Variants in CBL observed in about 807,000 individuals in gnomAD.
CBL encodes the protein Cbl proto-oncogene, also known as E3 ubiquitin-protein ligase CBL.
In CBL, 45 loss-of-function variants were observed where a neutral mutation model predicts 96.9. The observed-to-expected ratio is 0.46, with a 90% CI of 0.37 to 0.60. The LOEUF (loss-of-function observed/expected upper bound fraction) is 0.60, where lower values mean the gene tolerates loss of function less well. Ranked by LOEUF, CBL falls within the 20% of genes least tolerant of loss-of-function variation. CBL has a pLI of 0.00. For missense variants in CBL, 1,024 were observed against 1,143.5 expected, an observed-to-expected ratio of 0.90 and a Z score of 1.51; for synonymous variants, 420 against 426.8, an observed-to-expected ratio of 0.98 and a Z score of 0.20.
At chr11:119,248,909 G>A (rs1443182959) in intron 2 of CBL, among the ~76,000 whole-genome samples, 1 of 152,144 alleles carries the variant, frequency 6.6e-6, no homozygotes, top group African/African-American at 2.4e-5. Flanking sequence ...TTAAGGAAAT[G>A]CAAATCAAAA....
intron 1 of CBL, among the ~76,000 whole-genome samples, chr11:119,208,645 C>T (rs926176799): frequency 1.3e-5 from 2 of 152,106 alleles, no homozygotes; most frequent in African/African-American, 4.8e-5. Context: ...TGCGCCACGG[C>T]CTCCCAAAGT....
chr11:119,247,187 T>C (rs1949637702), intron 2 of CBL, among the ~76,000 whole-genome samples: 1 of 152,200 alleles, frequency 6.6e-6, no homozygotes, highest in African/African-American at 2.4e-5. Flanking sequence ...CAAGTAAAAA[T>C]GATGTTCCAT....
intron 2 of CBL, among the ~76,000 whole-genome samples, chr11:119,248,680 A>G (rs1279869544): frequency 6.6e-6 from 1 of 152,254 alleles, no homozygotes; most frequent in Non-Finnish European, 1.5e-5. Context: ...ATCAAAGGAC[A>G]TATTAAGGAA....
intron 1 of CBL, among the ~76,000 whole-genome samples, chr11:119,231,747 T>C (rs545145292): frequency 6.6e-6 from 1 of 151,608 alleles, no homozygotes. Flanking sequence ...GACCCTAGAG[T>C]ACAGAGATTT....
At chr11:119,235,816 C>G (rs369631115) in intron 2 of CBL, among the ~76,000 whole-genome samples, 4 of 152,204 alleles carry the variant, frequency 2.6e-5, no homozygotes, top group Admixed American at 2.6e-4. Flanking sequence ...GTGTGCCTGT[C>G]TGTATCAATT....
chr11:119,210,948 A>G (rs1181084626), intron 1 of CBL, among the ~76,000 whole-genome samples: 1 of 152,156 alleles, frequency 6.6e-6, no homozygotes, highest in East Asian at 1.9e-4. Flanking sequence ...TGTTTTTCCT[A>G]TACATACCTA....
chr11:119,250,704 C>CT (rs1172296546), intron 2 of CBL, among the ~76,000 whole-genome samples: 1 of 152,162 alleles, frequency 6.6e-6, no homozygotes, highest in Non-Finnish European at 1.5e-5. Context: ...AATCTCAGCA[C>CT]TTTCAGAGGC....
At chr11:119,244,893 A>G (rs1949614142) in intron 2 of CBL, among the ~76,000 whole-genome samples, 1 of 151,834 alleles carries the variant, frequency 6.6e-6, no homozygotes. Flanking sequence ...GTCACACAAG[A>G]CTGGAGTCCA....
At chr11:119,281,904 G>A (rs1331633248) in intron 9 of CBL, among the ~76,000 whole-genome samples, 1 of 152,134 alleles carries the variant, frequency 6.6e-6, no homozygotes, top group Non-Finnish European at 1.5e-5. Context: ...AGCTAGGTAT[G>A]TAATAAACCC....
At chr11:119,289,676 A>G (rs1004272753) in intron 12 of CBL, 2 of 152,132 alleles carry the variant, frequency 1.3e-5, no homozygotes, top group Non-Finnish European at 2.9e-5. Context: ...TGAAGTGAGC[A>G]CAACTCCTTC....
chr11:119,302,640 C>T lies in CBL; in HGVS notation c.*2859C>T, dbSNP rs1397903513. The stretch of plus-strand genomic sequence containing the variant: ...GGGTCTTCACGGATTGCTTTCCAAG[C>T]TGCCTTGTTGCGGGGTTGCTGCAGA... On this transcript the variant is annotated 3_prime_UTR_variant, in exon 16 of 16. Transcript: ENST00000264033. 1 of 231,334 alleles carries T rather than the reference C, an allele frequency of 4.3e-6. No individual in the cohort carries two copies. Among genetic ancestry groups the T allele is most frequent in the East Asian group, 6.1e-5 (1 of 16,328 alleles). 14.3% of individuals were successfully genotyped at this position (231,334 alleles called of 1,614,324 possible).
chr11:119,266,025 A>AAAAAAAAAG (rs1391882532), intron 2 of CBL, among the ~76,000 whole-genome samples: 5 of 150,694 alleles, frequency 3.3e-5, no homozygotes, highest in African/African-American at 1.2e-4. Flanking sequence ...TCTCAAAAAA[A>AAAAAAAAAG]AAAAAAAAAA....
chr11:119,307,653 GT>G lies in CBL; in HGVS notation c.*7876del, dbSNP rs1447153619. 4.4e-6 allele frequency: 1 copy of G among 228,540 alleles called. No homozygotes were observed. Among genetic ancestry groups the G allele is most frequent in the Non-Finnish European group, 8.7e-6 (1 of 115,158 alleles). 14.2% of individuals were successfully genotyped at this position (228,540 alleles called of 1,614,324 possible). Reference sequence around the variant, plus strand: ...TTACTTATCTTTTACCCTTTCCTCAGTTTTCCCCTGCCTTTAACTAATAAAG... The same window carrying G: ...TTACTTATCTTTTACCCTTTCCTCAGTTTCCCCTGCCTTTAACTAATAAAG... On this transcript the variant is annotated 3_prime_UTR_variant, in exon 16 of 16. Coordinates refer to ENST00000264033, the MANE Select transcript of CBL (RefSeq NM_005188.4).
intron 2 of CBL, among the ~76,000 whole-genome samples, chr11:119,243,500 G>A (rs1371807221): frequency 1.4e-5 from 2 of 140,876 alleles, no homozygotes; most frequent in African/African-American, 2.6e-5. Flanking sequence ...ATGAGACCCC[G>A]TCTCAAAAAA....
At chr11:119,278,407 A>G in intron 8 of CBL, 103 bp from the exon 9 acceptor site, 1 of 1,547,960 alleles carries the variant, frequency 6.5e-7, no homozygotes, top group Non-Finnish European at 8.9e-7. Flanking sequence ...GGTTAGGTTT[A>G]AACTTTTACT....
chr11:119,269,767 A>G (rs997967638), intron 2 of CBL, among the ~76,000 whole-genome samples: 1 of 152,056 alleles, frequency 6.6e-6, no homozygotes, highest in African/African-American at 2.4e-5. Flanking sequence ...AGGCCGAGGC[A>G]GGCAGATCAC....
Position 119,307,744 on chromosome 11 carries a change from G to A in CBL, c.*7963G>A, listed in dbSNP as rs1950158038. ...ATTTTGAAATTCTTAGCCTGGGAGT[G>A]CTGGAGAGAACCTGATGCTTTCTCC... On this transcript the variant is annotated 3_prime_UTR_variant, in exon 16 of 16. Transcript: ENST00000264033. The A allele has an allele frequency of 2.7e-5, 6 of 221,026 alleles. No homozygotes were observed. The East Asian group carries it at 4.0e-4, about 15-fold the overall frequency. The allele number at this position is 221,026 out of a possible 1,614,324, so 13.7% of individuals were successfully genotyped here. A position where few individuals can be genotyped will look rare whatever the true frequency, so the allele number is the denominator to read the frequency against.
intron 2 of CBL, among the ~76,000 whole-genome samples, chr11:119,251,122 T>C (rs1173628184): frequency 2.0e-5 from 3 of 152,244 alleles, no homozygotes; most frequent in African/African-American, 7.2e-5. Context: ...ATGTGCTTGC[T>C]GTGTGCCTGA....
intron 1 of CBL, among the ~76,000 whole-genome samples, chr11:119,226,269 T>C (rs941052538): frequency 7.9e-5 from 12 of 152,198 alleles, no homozygotes; most frequent in African/African-American, 2.9e-4. Flanking sequence ...AGGTCCACTA[T>C]TCTGTCTTTA....
Sources: gnomAD v4.1 joint callset for allele counts (sites outside exome capture counted in the v4.1 genomes callset) on GRCh38, gnomAD v4.1.1 for gene constraint, MANE v1.5 for transcripts, NCBI Gene and HGNC (gene_info 2026-07-23, HGNC 2026-07-21) for gene names.